The following AMPD3 variants were observed in gnomAD, a reference collection of about 807,000 sequenced individuals.
AMPD3 encodes the protein AMP deaminase 3.
AMPD3 carries 57 observed loss-of-function variants against 82.3 expected under a neutral mutation model. The ratio of observed to expected loss-of-function variants is 0.69; its 90% confidence interval spans 0.56 to 0.86. AMPD3 has a LOEUF of 0.86. AMPD3 is among the 40% of genes least tolerant of loss of function. The pLI is 0.00. For synonymous variants in AMPD3, 381 were observed against 394.7 expected (o/e 0.97, Z 0.41); for missense variants, 870 against 1,003.8 (o/e 0.87, Z 1.80).
upstream of AMPD3, chr11:10,451,140 G>T (rs987214326): frequency 1.0e-4 from 158 of 1,511,074 alleles, 1 homozygote; most frequent in African/African-American, 2.1e-3. Context: ...CTGAACCGCG[G>T]CTTCCGCCTT....
chr11:10,484,168 C>A, intron 4 of AMPD3: 1 of 863,784 alleles, frequency 1.2e-6, no homozygotes, highest in Non-Finnish European at 1.4e-6. Flanking sequence ...AAGGAGTTTG[C>A]TGAAAGTCTC....
upstream of AMPD3, among the ~76,000 whole-genome samples, chr11:10,452,319 G>T (rs1025395899): frequency 6.6e-6 from 1 of 152,128 alleles, no homozygotes; most frequent in Non-Finnish European, 1.5e-5. Context: ...CCCTAAAGCT[G>T]CCCATTGGCC....
At chr11:10,484,733 A>G in intron 4 of AMPD3, 87 bp from the exon 5 acceptor site, 1 of 1,515,858 alleles carries the variant, frequency 6.6e-7, no homozygotes, top group Non-Finnish European at 9.1e-7. Context: ...TTGGGCAGGA[A>G]GGCCAGCGCA....
chr11:10,450,771 C>T, upstream of AMPD3: 1 of 1,163,398 alleles, frequency 8.6e-7, no homozygotes, highest in Non-Finnish European at 1.1e-6. Context: ...CCAGGTAGGG[C>T]ACCGACGGGG....
chr11:10,501,372 G>A, intron 11 of AMPD3, 98 bp from the exon 12 acceptor site: 3 of 1,547,532 alleles, frequency 1.9e-6, no homozygotes, highest in Non-Finnish European at 2.6e-6. Context: ...ACCATGGGTG[G>A]TCATTCCCCC....
Position 10,496,854 on chromosome 11 carries a change from G to T in AMPD3, c.1473G>T (p.Lys491Asn), listed in dbSNP as rs1308052074. Residue 491 changes from lysine (K) to asparagine (N), a missense_variant, in exon 10 of 15, where the codon AAG becomes AAT. By Grantham distance (94) the Lys-to-Asn change is moderately conservative. Coordinates refer to ENST00000396553, the MANE Select transcript of AMPD3 (RefSeq NM_001025389.2). ...AGAAGCTGCTGCCAAACTTTGGGAA[G>T]ATGCTGGAGAACATCTTCCTGCCCC... Reference protein sequence around the residue: ...RSKKLLPNFGKMLENIFLPLF... With the variant: ...RSKKLLPNFGNMLENIFLPLF... 6.2e-7 allele frequency: 1 copy of T among 1,614,196 alleles called. No homozygotes were observed. The highest frequency in any genetic ancestry group is 2.2e-5 in the East Asian group (1 of 44,884).
chr11:10,461,468 G>C (rs1343804288), intron 1 of AMPD3, 47 bp from the exon 2 acceptor site: 2 of 1,613,242 alleles, frequency 1.2e-6, no homozygotes, highest in South Asian at 2.2e-5. Context: ...CCCCGGTGCT[G>C]GTGACTCAGG....
Position 10,506,895 on chromosome 11 carries a change from TTGTGTGTG to T in AMPD3, c.*1025_*1032del, listed in dbSNP as rs34205084. On this transcript the variant is annotated 3_prime_UTR_variant, in exon 15 of 15. Coordinates refer to ENST00000396553, the MANE Select transcript of AMPD3 (RefSeq NM_001025389.2). This position sits in a 1 kb window ranked among gnomAD's most constrained non-coding sequence, Gnocchi z 4.1. ...TTCCATTAGACCCCACAAATGTTAG[TTGTGTGTG>T]TGTGTGTGTGTGTTTTTAATCACTG... 6.8e-6 allele frequency: 1 copy of T among 146,958 alleles called. No homozygotes were observed. The highest frequency in any genetic ancestry group is 1.5e-5 in the Non-Finnish European group (1 of 65,248). 9.1% of individuals were successfully genotyped at this position (146,958 alleles called of 1,614,324 possible). A position where few individuals can be genotyped will look rare whatever the true frequency, so the allele number is the denominator to read the frequency against.
chr11:10,454,474 G>A (rs1183333261), upstream of AMPD3, among the ~76,000 whole-genome samples: 5 of 152,180 alleles, frequency 3.3e-5, no homozygotes, highest in East Asian at 1.9e-4. Context: ...AAATAAGTGC[G>A]TCGGGTTAAA....
At chr11:10,473,248 C>A in intron 2 of AMPD3, 1 of 411,316 alleles carries the variant, frequency 2.4e-6, no homozygotes, top group Non-Finnish European at 3.3e-6. Flanking sequence ...CCAGCTTGGG[C>A]GGCAGAGCAA....
chr11:10,460,409 CTT>C lies in AMPD3; in HGVS notation c.-5-1092_-5-1091del, dbSNP rs34448488. Among the ~76,000 whole-genome samples the C allele has an allele frequency of 2.3e-3, 334 of 142,168 alleles. 2 individuals carry two copies. Among genetic ancestry groups the C allele is most frequent in the African/African-American group, 6.4e-3 (247 of 38,376 alleles). The allele number at this position is 142,168 out of a possible 152,430, so 93.3% of individuals were successfully genotyped here. A position where few individuals can be genotyped will look rare whatever the true frequency, so the allele number is the denominator to read the frequency against. On this transcript the variant is annotated intron_variant, in intron 1 of 14. Transcript: ENST00000396553. ...CCACCACACCCGGCCCCAGAGTATA[CTT>C]TTTTTTTTTTTTTGAGGCAGAGTCC... is the stretch of plus-strand genomic sequence containing the variant.
chr11:10,469,807 AGGC>A (rs1848532923), intron 2 of AMPD3, among the ~76,000 whole-genome samples: 1 of 152,156 alleles, frequency 6.6e-6, no homozygotes, highest in Non-Finnish European at 1.5e-5. Flanking sequence ...TGGGAGGCCG[AGGC>A]GGGCAGATCA....
chr11:10,484,531 G>T (rs1403885117), intron 4 of AMPD3: 1 of 981,608 alleles, frequency 1.0e-6, no homozygotes, highest in Non-Finnish European at 1.2e-6. Flanking sequence ...CATGTGCCAG[G>T]GACTGTTCTA....
At chr11:10,464,502 T>A (rs1467016380) in intron 2 of AMPD3, among the ~76,000 whole-genome samples, 2 of 152,150 alleles carry the variant, frequency 1.3e-5, no homozygotes, top group African/African-American at 4.8e-5. Context: ...GGTTCCCTGG[T>A]CTGTAGACCC....
chr11:10,461,192 G>A (rs867093415), intron 1 of AMPD3: 1 of 1,236,528 alleles, frequency 8.1e-7, no homozygotes, highest in Non-Finnish European at 1.0e-6. Context: ...TCAAACATGG[G>A]AACAAAGTCA....
At chr11:10,478,889 G>A (rs552136121) in intron 3 of AMPD3, among the ~76,000 whole-genome samples, 159 bp downstream of exon 3, 2 of 152,208 alleles carry the variant, frequency 1.3e-5, no homozygotes, top group South Asian at 4.2e-4. Context: ...CCTAGCAGAG[G>A]TTGTGGGGTG....
intron 2 of AMPD3, among the ~76,000 whole-genome samples, chr11:10,466,076 A>C (rs1276934976): frequency 2.0e-5 from 3 of 152,170 alleles, no homozygotes; most frequent in Non-Finnish European, 4.4e-5. Flanking sequence ...AGCCTGGCCA[A>C]CATGGTGAAA....
At chr11:10,484,707 G>T in intron 4 of AMPD3, 113 bp from the exon 5 acceptor site, 1 of 1,354,486 alleles carries the variant, frequency 7.4e-7, no homozygotes, top group South Asian at 1.2e-5. Flanking sequence ...ATGCGGGGCC[G>T]GCGCAGGGTT....
In AMPD3 at chr11:10,506,460, T is replaced by A. The variant is rs1849717495; in HGVS notation, c.*576T>A. 1 of 168,716 alleles carries A rather than the reference T, an allele frequency of 5.9e-6. No individual in the cohort carries two copies. Among genetic ancestry groups the A allele is most frequent in the Admixed American group, 5.7e-5 (1 of 17,632 alleles). The allele number at this position is 168,716 out of a possible 1,614,324, so 10.5% of individuals were successfully genotyped here. ...CTTTCTAGTTGGAAGCCAAATGTAC[T>A]CATGAAAACAGCCACTCCTATTCTG... On this transcript the variant is annotated 3_prime_UTR_variant, in exon 15 of 15. Transcript: ENST00000396553. This position sits in a 1 kb window ranked among gnomAD's most constrained non-coding sequence, Gnocchi z 4.1.
Sources: gnomAD v4.1 joint callset for allele counts (sites outside exome capture counted in the v4.1 genomes callset) on GRCh38, gnomAD v4.1.1 for gene constraint, Gnocchi (gnomAD v3.1) non-coding constraint, MANE v1.5 for transcripts, NCBI Gene and HGNC (gene_info 2026-07-23, HGNC 2026-07-21) for gene names.